Variants in PAK1 observed in about 807,000 individuals in gnomAD.
PAK1 encodes the protein serine/threonine-protein kinase PAK 1.
In PAK1, 29 loss-of-function variants were observed where a neutral mutation model predicts 67.4. That is an observed-to-expected ratio of 0.43 (90% CI 0.32 to 0.59). PAK1 has a LOEUF of 0.59. PAK1 is among the 20% of genes least tolerant of loss of function. The pLI is 0.07. For missense variants in PAK1, 337 were observed against 670.7 expected (o/e 0.50, Z 5.50); for synonymous variants, 223 against 237.4 (o/e 0.94, Z 0.56).
chr11:77,446,814 G>A (rs1956631545), intron 1 of PAK1, among the ~76,000 whole-genome samples: 1 of 151,318 alleles, frequency 6.6e-6, no homozygotes, highest in African/African-American at 2.4e-5. Flanking sequence ...CAACAATAAA[G>A]AGAATGGGTG....
At chr11:77,384,970 ATCAAT>A (rs1203505986) in intron 2 of PAK1, among the ~76,000 whole-genome samples, 14 of 152,314 alleles carry the variant, frequency 9.2e-5, no homozygotes, top group Admixed American at 6.5e-4. Context: ...AATATATATA[ATCAAT>A]TCAATTAATG....
At chr11:77,365,928 G>A (rs1160402109) in intron 5 of PAK1, among the ~76,000 whole-genome samples, 2 of 151,500 alleles carry the variant, frequency 1.3e-5, no homozygotes, top group Non-Finnish European at 2.9e-5. Context: ...AGCAACCAGA[G>A]AAAACTGACA....
intron 2 of PAK1, among the ~76,000 whole-genome samples, chr11:77,390,300 A>G (rs958497549): frequency 6.6e-6 from 1 of 152,194 alleles, no homozygotes; most frequent in African/African-American, 2.4e-5. Flanking sequence ...CCCGGGTTCA[A>G]GTGATACTCC....
chr11:77,472,668 A>C (rs1399999021), intron 1 of PAK1, among the ~76,000 whole-genome samples: 2 of 152,380 alleles, frequency 1.3e-5, no homozygotes, highest in African/African-American at 4.8e-5. Context: ...GAGTTGAAAG[A>C]GAACCCAAAA....
At chr11:77,520,719 C>T in the PAK1 span, among the ~76,000 whole-genome samples, 3 of 152,076 alleles carry the variant, frequency 2.0e-5, no homozygotes, top group East Asian at 1.9e-4. Flanking sequence ...GGCAGTTTTT[C>T]GAAGAAGTCC....
At position 77,358,935 on chromosome 11, in the gene PAK1, G is replaced by T. The variant is rs1946407676; in HGVS notation, c.560C>A (p.Pro187Gln). The change falls in exon 6 of 15, where the codon CCA (proline) becomes CAA (glutamine). Residue 187 changes from proline (P) to glutamine (Q), a missense_variant. Physicochemically the swap from Pro to Gln is moderately conservative, Grantham distance 76. This residue lies in a region of PAK1 where 150 missense variants were observed against 179.0 expected (regional missense o/e 0.84). Transcript: ENST00000356341. ...CTCTGGGCGTGGAGCAATCACTGGT[G>T]GTGGGGTAGCATCATCATCATCATC... ...EDDDDDDATP[P>Q]PVIAPRPEHT... is the part of the protein sequence containing the mutation. 1.2e-6 allele frequency: 2 copies of T among 1,613,664 alleles called. No homozygotes were observed. The highest frequency in any genetic ancestry group is 1.7e-6 in the Non-Finnish European group (2 of 1,179,702).
chr11:77,517,529 A>AAGG, the PAK1 span, among the ~76,000 whole-genome samples: 4 of 152,218 alleles, frequency 2.6e-5, no homozygotes, highest in African/African-American at 9.6e-5. Flanking sequence ...CATTGGTCCT[A>AAGG]GGTCAGCAGT....
intron 1 of PAK1, among the ~76,000 whole-genome samples, chr11:77,429,835 A>T (rs1312138534): frequency 1.3e-5 from 2 of 152,180 alleles, no homozygotes; most frequent in Non-Finnish European, 2.9e-5. Context: ...AACAGTGTTT[A>T]TTTCCTGATT....
intron 1 of PAK1, among the ~76,000 whole-genome samples, chr11:77,407,045 T>C (rs1272516824): frequency 6.6e-6 from 1 of 150,570 alleles, no homozygotes; most frequent in African/African-American, 2.4e-5. Flanking sequence ...ATTATTATTA[T>C]TTTTTTATAT....
rs545189118 is a variant in PAK1, at chr11:77,456,922, T to C, written c.-22+16630A>G. ...ACGCCCGGCTAATTTTTCGTATTTT[T>C]AGTAGAGACAGGGTTTCTCCGTGTT... On this transcript the variant is annotated intron_variant, in intron 1 of 14. Coordinates refer to ENST00000356341, the MANE Select transcript of PAK1 (RefSeq NM_002576.5). 1.1e-4 allele frequency among the ~76,000 whole-genome samples: 16 copies of C among 152,262 alleles called. No individual in the cohort carries two copies. The East Asian group carries it at 2.9e-3, about 28-fold the overall frequency.
chr11:77,480,112 T>G, the PAK1 span, among the ~76,000 whole-genome samples: 1 of 152,170 alleles, frequency 6.6e-6, no homozygotes, highest in Non-Finnish European at 1.5e-5. Context: ...TGTTTTGTTT[T>G]AACTATCTTT....
intron 1 of PAK1, among the ~76,000 whole-genome samples, chr11:77,462,832 CAA>C (rs1272402181): frequency 1.4e-4 from 13 of 93,572 alleles, no homozygotes; most frequent in Admixed American, 2.4e-4. Context: ...CCTCCATCTC[CAA>C]AAAAAAAAAA....
chr11:77,460,902 AAGG>A (rs1232437961), intron 1 of PAK1, among the ~76,000 whole-genome samples: 1 of 152,098 alleles, frequency 6.6e-6, no homozygotes, highest in Admixed American at 6.6e-5. Context: ...AAAGTGGCAG[AAGG>A]AGAATAAGAG....
upstream of PAK1, chr11:77,477,039 T>C (rs899103288): frequency 6.6e-6 from 1 of 152,188 alleles, no homozygotes; most frequent in African/African-American, 2.4e-5. Flanking sequence ...CACTTTGTGT[T>C]TGATAATTTG....
At chr11:77,456,576 A>T (rs1299113414) in intron 1 of PAK1, among the ~76,000 whole-genome samples, 6 of 152,216 alleles carry the variant, frequency 3.9e-5, no homozygotes, top group Non-Finnish European at 5.9e-5. Context: ...AAATTAAAGC[A>T]GAAGTCATTT....
At chr11:77,425,644 G>C (rs1955508262) in intron 1 of PAK1, among the ~76,000 whole-genome samples, 1 of 152,142 alleles carries the variant, frequency 6.6e-6, no homozygotes, top group African/African-American at 2.4e-5. Flanking sequence ...CTTATCCTTA[G>C]TGAAATATAA....
intron 1 of PAK1, among the ~76,000 whole-genome samples, chr11:77,398,300 T>A (rs1462385697): frequency 6.6e-6 from 1 of 152,204 alleles, no homozygotes; most frequent in Admixed American, 6.5e-5. Flanking sequence ...CCTTCTATTA[T>A]CTATGTCCAT....
chr11:77,368,417 C>G (rs1292314457), intron 5 of PAK1, among the ~76,000 whole-genome samples: 1 of 152,104 alleles, frequency 6.6e-6, no homozygotes, highest in Non-Finnish European at 1.5e-5. Flanking sequence ...ATTTTGAGAC[C>G]TGAAAGGTAT....
chr11:77,472,807 G>C (rs1031413425), intron 1 of PAK1, among the ~76,000 whole-genome samples: 2 of 151,340 alleles, frequency 1.3e-5, no homozygotes, highest in East Asian at 2.0e-4. Flanking sequence ...TGTAACAGTA[G>C]AACAATTATC....
Sources: gnomAD v4.1 joint callset for allele counts (sites outside exome capture counted in the v4.1 genomes callset) on GRCh38, gnomAD v4.1.1 for gene constraint, gnomAD v4.1.1 regional missense constraint, MANE v1.5 for transcripts, NCBI Gene and HGNC (gene_info 2026-07-23, HGNC 2026-07-21) for gene names.